The following IL6ST variants were observed in gnomAD, a reference collection of about 807,000 sequenced individuals.
The protein encoded by IL6ST is interleukin-6 receptor subunit beta.
IL6ST carries 24 observed loss-of-function variants against 91.3 expected under a neutral mutation model. The observed-to-expected ratio is 0.26, with a 90% CI of 0.19 to 0.37. The LOEUF (loss-of-function observed/expected upper bound fraction) is 0.37, where lower values mean the gene tolerates loss of function less well. IL6ST is among the 10% of genes least tolerant of loss of function. The pLI is 1.00. For missense variants in IL6ST, 914 were observed against 1,078.5 expected, an observed-to-expected ratio of 0.85 and a Z score of 2.14; for synonymous variants, 351 against 373.6, an observed-to-expected ratio of 0.94 and a Z score of 0.70.
At chr5:55,974,894 T>A (rs745609704) in intron 3 of IL6ST, among the ~76,000 whole-genome samples, 13 of 151,640 alleles carry the variant, frequency 8.6e-5, no homozygotes, top group Non-Finnish European at 1.3e-4. Flanking sequence ...CTGACCAAGG[T>A]CCTACAGCTA....
At chr5:55,949,605 TA>T (rs1048907155) in intron 14 of IL6ST, among the ~76,000 whole-genome samples, 1 of 152,236 alleles carries the variant, frequency 6.6e-6, no homozygotes, top group African/African-American at 2.4e-5. Context: ...TTTTTAAGTT[TA>T]TTTTTTAATT....
intron 2 of IL6ST, chr5:55,978,350 G>A (rs946207520): frequency 6.6e-6 from 1 of 152,204 alleles, no homozygotes; most frequent in Non-Finnish European, 1.5e-5. Context: ...ACTCTAGAGG[G>A]AGACATTATC....
chr5:55,968,499 A>T, intron 4 of IL6ST, 103 bp from the exon 5 acceptor site: 1 of 1,091,472 alleles, frequency 9.2e-7, no homozygotes, highest in Non-Finnish European at 1.3e-6. Flanking sequence ...AGATGAAAAA[A>T]ATCAAACCCA....
At chr5:55,942,340 G>C (rs999972674) in intron 16 of IL6ST, among the ~76,000 whole-genome samples, 6 of 152,074 alleles carry the variant, frequency 3.9e-5, no homozygotes, top group Non-Finnish European at 7.4e-5. Context: ...AAATGCTTGA[G>C]GTAGTTACCA....
At chr5:55,986,698 T>TA (rs1200643784) in intron 1 of IL6ST, among the ~76,000 whole-genome samples, 1 of 152,200 alleles carries the variant, frequency 6.6e-6, no homozygotes, top group African/African-American at 2.4e-5. Context: ...TGTTAGCTAA[T>TA]AAGCTATAAT....
At chr5:55,986,867 T>A (rs1754003232) in intron 1 of IL6ST, among the ~76,000 whole-genome samples, 1 of 152,214 alleles carries the variant, frequency 6.6e-6, no homozygotes, top group Non-Finnish European at 1.5e-5. Flanking sequence ...TATATTTTAC[T>A]TTTGCATATA....
In IL6ST at chr5:55,952,091, C is replaced by T; in HGVS notation, c.1553-16G>A. The T allele has an allele frequency of 6.2e-7, 1 of 1,601,296 alleles. No individual in the cohort carries two copies. Among genetic ancestry groups the T allele is most frequent in the Non-Finnish European group, 8.5e-7 (1 of 1,175,382 alleles). On this transcript the variant is annotated splice_polypyrimidine_tract_variant and intron_variant, in intron 12 of 16. Transcript: ENST00000381298. ...TTGGAAGGTGCTGTAACAGAGTGAA[C>T]ACATTTGCTAACTGAAAATCATTTA...
intron 16 of IL6ST, 134 bp downstream of exon 16, chr5:55,942,536 C>CT (rs1456358882): frequency 3.9e-6 from 2 of 512,768 alleles, no homozygotes; most frequent in African/African-American, 3.9e-5. Flanking sequence ...TCTTCATTTA[C>CT]TTTTTGATTC....
chr5:55,943,991 T>C (rs752275517), intron 15 of IL6ST, among the ~76,000 whole-genome samples: 4 of 152,056 alleles, frequency 2.6e-5, no homozygotes, highest in African/African-American at 4.8e-5. Context: ...GGCAGGAGAA[T>C]TGCTTGAACC....
In IL6ST at chr5:55,957,291, C is replaced by A; in HGVS notation, c.974G>T (p.Arg325Ile). Reference protein sequence around the residue: ...EEASGITYEDRPSKAPSFWYK... With the variant: ...EEASGITYEDIPSKAPSFWYK... ...CCAGAAACTTGGTGCTTTAGATGGT[C>A]CTAAAGAAAAGACATAAACTCCTTA... Residue 325 changes from arginine (R) to isoleucine (I), a missense_variant and splice_region_variant, in exon 9 of 17, where the codon AGA becomes ATA. Transcript: ENST00000381298. The A allele has an allele frequency of 6.8e-7, 1 of 1,479,906 alleles. No individual in the cohort carries two copies. The highest frequency in any genetic ancestry group is 9.2e-7 in the Non-Finnish European group (1 of 1,086,418). 91.7% of individuals were successfully genotyped at this position (1,479,906 alleles called of 1,614,324 possible).
intron 7 of IL6ST, 61 bp downstream of exon 7, chr5:55,963,291 C>T: frequency 8.2e-7 from 1 of 1,213,386 alleles, no homozygotes; most frequent in Non-Finnish European, 1.1e-6. Context: ...ATGACTGAAA[C>T]TTTTTAAGAT....
chr5:55,988,091 A>G (rs1754078931), intron 1 of IL6ST, among the ~76,000 whole-genome samples: 2 of 149,706 alleles, frequency 1.3e-5, no homozygotes, highest in Non-Finnish European at 3.0e-5. Flanking sequence ...AGAATGCACC[A>G]CTGCACTCCA....
At chr5:55,994,455 AT>A (rs1301328257) in intron 1 of IL6ST, among the ~76,000 whole-genome samples, 2 of 152,040 alleles carry the variant, frequency 1.3e-5, no homozygotes, top group African/African-American at 4.8e-5. Flanking sequence ...TGAAAAGGGG[AT>A]TGGGAAAAAC....
chr5:55,944,631 C>G, intron 15 of IL6ST: 2 of 771,568 alleles, frequency 2.6e-6, no homozygotes, highest in Non-Finnish European at 4.3e-6. Flanking sequence ...GGCCTTAGCG[C>G]CATTTTTTTG....
intron 11 of IL6ST, among the ~76,000 whole-genome samples, chr5:55,953,367 C>T (rs74614670): frequency 2.0e-5 from 3 of 152,324 alleles, no homozygotes; most frequent in East Asian, 3.9e-4. Flanking sequence ...CCTACCCAAA[C>T]TTAATGTCTC....
intron 11 of IL6ST, among the ~76,000 whole-genome samples, chr5:55,953,789 G>A (rs144488295): frequency 7.0e-4 from 107 of 152,314 alleles, no homozygotes; most frequent in African/African-American, 2.4e-3. Flanking sequence ...AGGTGTTGGA[G>A]ATCAGCCTTT....
In IL6ST at chr5:55,992,810, A is replaced by G. The variant is rs535748115; in HGVS notation, c.-104+1974T>C. 2.2e-4 allele frequency among the ~76,000 whole-genome samples: 33 copies of G among 152,278 alleles called. 1 individual carries two copies. The South Asian group carries it at 6.2e-3, about 29-fold the overall frequency. On this transcript the variant is annotated intron_variant, in intron 1 of 16. Transcript: ENST00000381298. Reference sequence around the variant, plus strand: ...TGCTCACTCCAATCCTTAAACGATCATTCCCTAATTTTAATATCTACAGGA... The same window carrying G: ...TGCTCACTCCAATCCTTAAACGATCGTTCCCTAATTTTAATATCTACAGGA...
chr5:55,947,613 AAAAAG>A (rs1751352720), intron 14 of IL6ST, 24 bp from the exon 15 acceptor site: 2 of 1,347,800 alleles, frequency 1.5e-6, no homozygotes, highest in Non-Finnish European at 2.1e-6. Flanking sequence ...AAAAAAAAAA[AAAAAG>A]AGGTGTGATG....
At chr5:55,982,471 T>C (rs1405540162) in intron 2 of IL6ST, among the ~76,000 whole-genome samples, 1 of 152,166 alleles carries the variant, frequency 6.6e-6, no homozygotes, top group Non-Finnish European at 1.5e-5. Context: ...AAGTTGGTAA[T>C]ACCTACACAA....
Sources: allele counts gnomAD v4.1 joint callset (sites outside exome capture counted in the v4.1 genomes callset), GRCh38; gene constraint gnomAD v4.1.1; transcripts MANE v1.5; gene names NCBI Gene and HGNC (gene_info 2026-07-23, HGNC 2026-07-21).